Variants in ACVRL1 observed in about 807,000 individuals in gnomAD.
ACVRL1 encodes the protein activin A receptor like type 1.
A neutral mutation model predicts 51.9 loss-of-function variants in ACVRL1; 20 were observed. The observed-to-expected ratio is 0.39, with a 90% CI of 0.27 to 0.56. The LOEUF is 0.56. ACVRL1 is among the 20% of genes least tolerant of loss of function. ACVRL1 has a pLI of 0.67. For missense variants in ACVRL1, 451 were observed against 670.3 expected (o/e 0.67, Z 3.61); for synonymous variants, 288 against 280.9 (o/e 1.03, Z -0.25).
chr12:51,907,624 C>A lies in ACVRL1; in HGVS notation c.-77C>A, dbSNP rs907969481. On this transcript the variant is annotated 5_prime_UTR_variant, in exon 1 of 10. Coordinates refer to ENST00000388922, the MANE Select transcript of ACVRL1 (RefSeq NM_000020.3). This position sits in a 1 kb window ranked among gnomAD's most constrained non-coding sequence, Gnocchi z 4.5. ...CCAGCGCTGGCGGTGCAACTGCGGC[C>A]GCGCGGTGGAGGGGAGGTGGCCCCG... is the stretch of plus-strand genomic sequence containing the variant. 6.6e-6 allele frequency: 1 copy of A among 152,040 alleles called. No individual in the cohort carries two copies. Among genetic ancestry groups the A allele is most frequent in the African/African-American group, 2.4e-5 (1 of 41,426 alleles). The allele number at this position is 152,040 out of a possible 1,614,324, so 9.4% of individuals were successfully genotyped here.
chr12:51,911,790 AT>A (rs1253420035), intron 1 of ACVRL1, among the ~76,000 whole-genome samples: 2 of 152,210 alleles, frequency 1.3e-5, no homozygotes, highest in African/African-American at 4.8e-5. Flanking sequence ...GAATTCTGTC[AT>A]GTGGGTGTCC....
chr12:51,915,493 C>A lies in ACVRL1; in HGVS notation c.1041C>A (p.Ala347=). ...LVKSNLQCCI[A]DLGLAVMHSQ... is the part of the protein sequence containing the mutation. ...AGAGCAACCTGCAGTGTTGCATCGC[C>A]GACCTGGGTGAGCCGGGCGGGGCAG... The change falls in exon 7 of 10, where the codon GCC becomes GCA. Residue 347 remains alanine (A), a synonymous_variant. Coordinates refer to ENST00000388922, the MANE Select transcript of ACVRL1 (RefSeq NM_000020.3). 4 of 1,606,612 alleles carry A rather than the reference C, an allele frequency of 2.5e-6. No individual in the cohort carries two copies. Among genetic ancestry groups the A allele is most frequent in the Non-Finnish European group, 3.4e-6 (4 of 1,175,574 alleles).
chr12:51,915,100 C>G, intron 6 of ACVRL1, 125 bp from the exon 7 acceptor site: 1 of 1,113,720 alleles, frequency 9.0e-7, no homozygotes, highest in Non-Finnish European at 1.3e-6. Flanking sequence ...CAACCCCCAC[C>G]CCCAGACCTA....
intron 1 of ACVRL1, among the ~76,000 whole-genome samples, chr12:51,908,448 C>T (rs968889170): frequency 6.6e-6 from 1 of 152,208 alleles, no homozygotes; most frequent in Non-Finnish European, 1.5e-5. Context: ...CACCTGTCCC[C>T]CCATTTCATT....
Position 51,907,671 on chromosome 12 carries a change from C to T in ACVRL1, c.-30C>T, listed in dbSNP as rs1940621016. On this transcript the variant is annotated 5_prime_UTR_variant, in exon 1 of 10. Coordinates refer to ENST00000388922, the MANE Select transcript of ACVRL1 (RefSeq NM_000020.3). This position sits in a 1 kb window ranked among gnomAD's most constrained non-coding sequence, Gnocchi z 4.5. ...CCCGGTCCGCCGAAGGCTAGCGCCCCGCCACCCGCAGAGCGGGCCCAGAGG... is the reference window on the plus strand; with the variant it reads ...CCCGGTCCGCCGAAGGCTAGCGCCCTGCCACCCGCAGAGCGGGCCCAGAGG... 1 of 152,124 alleles carries T rather than the reference C, an allele frequency of 6.6e-6. No homozygotes were observed. The highest frequency in any genetic ancestry group is 1.5e-5 in the Non-Finnish European group (1 of 68,002). The allele number at this position is 152,124 out of a possible 1,614,324, so 9.4% of individuals were successfully genotyped here.
Position 51,920,978 on chromosome 12 carries a change from T to G in ACVRL1, c.*85T>G. On this transcript the variant is annotated 3_prime_UTR_variant, in exon 10 of 10. Coordinates refer to ENST00000388922, the MANE Select transcript of ACVRL1 (RefSeq NM_000020.3). ...TGGTGCCCTATCTGGGTAGAGGTAG[T>G]GTGAGTGTGGTGTGTGCTGGGGATG... The G allele has an allele frequency of 4.8e-6, 7 of 1,456,870 alleles. No homozygotes were observed. Among genetic ancestry groups the G allele is most frequent in the Non-Finnish European group, 6.5e-6 (7 of 1,073,196 alleles). 90.2% of individuals were successfully genotyped at this position (1,456,870 alleles called of 1,614,324 possible). A position where few individuals can be genotyped will look rare whatever the true frequency, so the allele number is the denominator to read the frequency against.
rs1060503234 is a variant in ACVRL1 at position 51,913,303 on chromosome 12, G to T, written c.266G>T (p.Cys89Phe). 6.2e-7 allele frequency: 1 copy of T among 1,610,986 alleles called. No homozygotes were observed. The highest frequency in any genetic ancestry group is 8.5e-7 in the Non-Finnish European group (1 of 1,179,056). Residue 89 changes from cysteine (C) to phenylalanine (F), a missense_variant, in exon 3 of 10, where the codon TGC becomes TTC. Physicochemically the swap from Cys to Phe is radical, Grantham distance 205. Coordinates refer to ENST00000388922, the MANE Select transcript of ACVRL1 (RefSeq NM_000020.3). ...GRPTEFVNHYCCDSHLCNHNV... is the reference protein window; with the variant it reads ...GRPTEFVNHYFCDSHLCNHNV... ...CCCACCGAGTTCGTCAACCACTACTGCTGCGACAGCCACCTCTGCAACCAC... is the reference window on the plus strand; with the variant it reads ...CCCACCGAGTTCGTCAACCACTACTTCTGCGACAGCCACCTCTGCAACCAC...
Position 51,915,349 on chromosome 12 carries a change from T to C in ACVRL1, c.897T>C (p.Ala299=), listed in dbSNP as rs370666061. 41 of 1,614,120 alleles carry C rather than the reference T, an allele frequency of 2.5e-5. No individual in the cohort carries two copies. In the African/African-American group the frequency reaches 3.9e-4, roughly 15 times the overall value. The change falls in exon 7 of 10, where the codon GCT becomes GCC. Residue 299 remains alanine (A), a synonymous_variant. Transcript: ENST00000388922. ...LQRQTLEPHL[A]LRLAVSAACG... Reference sequence around the variant, plus strand: ...GACAGACGCTGGAGCCCCATCTGGCTCTGAGGCTAGCTGTGTCCGCGGCAT... The same window carrying C: ...GACAGACGCTGGAGCCCCATCTGGCCCTGAGGCTAGCTGTGTCCGCGGCAT...
At chr12:51,916,279 T>C (rs758711127) in intron 8 of ACVRL1, 46 bp downstream of exon 8, 2 of 1,595,178 alleles carry the variant, frequency 1.3e-6, no homozygotes, top group Admixed American at 1.7e-5. Context: ...AATCAGCCTG[T>C]GGAGCCAGGG....
chr12:51,913,245 G>A lies in ACVRL1; in HGVS notation c.208G>A (p.Gly70Arg), dbSNP rs1439294840. The stretch of plus-strand genomic sequence containing the variant: ...GCACCCCCAGGAACATCGGGGCTGC[G>A]GGAACTTGCACAGGGAGCTCTGCAG... ...GRHPQEHRGC[G>R]NLHRELCRGR... The change falls in exon 3 of 10, where the codon GGG becomes AGG. Residue 70 changes from glycine (G) to arginine (R), a missense_variant. Physicochemically the swap from Gly to Arg is moderately radical, Grantham distance 125. Around this residue, in one of 2 missense-constraint regions of ACVRL1, gnomAD observed 192 missense variants for 216.9 expected, o/e 0.89. Coordinates refer to ENST00000388922, the MANE Select transcript of ACVRL1 (RefSeq NM_000020.3). The A allele has an allele frequency of 5.7e-6, 9 of 1,592,200 alleles. No individual in the cohort carries two copies. The highest frequency in any genetic ancestry group is 6.8e-6 in the Non-Finnish European group (8 of 1,169,322).
rs1318118188 is a variant in ACVRL1 at position 51,913,243 on chromosome 12, G to A, written c.206G>A (p.Cys69Tyr). ...EGRHPQEHRG[C>Y]GNLHRELCRG... is the part of the protein sequence containing the mutation. ...AGGCACCCCCAGGAACATCGGGGCT[G>A]CGGGAACTTGCACAGGGAGCTCTGC... Residue 69 changes from cysteine (C) to tyrosine (Y), a missense_variant, in exon 3 of 10, where the codon TGC becomes TAC. Around this residue, in one of 2 missense-constraint regions of ACVRL1, gnomAD observed 192 missense variants for 216.9 expected, o/e 0.89. Transcript: ENST00000388922. 1 of 1,591,238 alleles carries A rather than the reference G, an allele frequency of 6.3e-7. No homozygotes were observed.
chr12:51,918,970 A>G lies in ACVRL1; in HGVS notation c.1247-15A>G, dbSNP rs186868158. On this transcript the variant is annotated splice_polypyrimidine_tract_variant and intron_variant, in intron 8 of 9. Coordinates refer to ENST00000388922, the MANE Select transcript of ACVRL1 (RefSeq NM_000020.3). ...AGAGTCCCAAGTGATTGTCCTGTCC[A>G]TTCTCCATTTCCAGGCATCGTGGAG... 3.4e-4 allele frequency: 548 copies of G among 1,614,176 alleles called. 3 individuals are homozygous for G. Among genetic ancestry groups the G allele is most frequent in the Admixed American group, 3.2e-3 (194 of 60,022 alleles).
rs756100938 is a variant in ACVRL1 at position 51,913,744 on chromosome 12, T to C, written c.499T>C (p.Ser167Pro). Residue 167 changes from serine (S) to proline (P), a missense_variant, in exon 4 of 10, where the codon TCT (serine) becomes CCT (proline). Coordinates refer to ENST00000388922, the MANE Select transcript of ACVRL1 (RefSeq NM_000020.3). ...LGESSLILKA[S>P]EQGDSMLGDL... is the part of the protein sequence containing the mutation. ...AGAGTCCAGTCTCATCCTGAAAGCA[T>C]CTGAGCAGGGCGACAGCATGTTGGG... is the stretch of plus-strand genomic sequence containing the variant. 1.9e-6 allele frequency: 3 copies of C among 1,611,908 alleles called. No homozygotes were observed. Among genetic ancestry groups the C allele is most frequent in the Admixed American group, 1.7e-5 (1 of 59,990 alleles).
rs1941000288 is a variant in ACVRL1, at chr12:51,922,309, G to C, written c.*1416G>C. 6.6e-6 allele frequency: 1 copy of C among 152,222 alleles called. No individual in the cohort carries two copies. Among genetic ancestry groups the C allele is most frequent in the Non-Finnish European group, 1.5e-5 (1 of 68,072 alleles). 9.4% of individuals were successfully genotyped at this position (152,222 alleles called of 1,614,324 possible). ...CAGTGGCCACCCTTGGGCTCAGACA[G>C]CTCTGGGCCTTTTGACCACAAGCCA... On this transcript the variant is annotated 3_prime_UTR_variant, in exon 10 of 10. Transcript: ENST00000388922.
rs574165873 is a variant in ACVRL1, at chr12:51,915,298, C to T, written c.846C>T (p.His282=). The change falls in exon 7 of 10, where the codon CAC becomes CAT. Residue 282 remains histidine (H), a synonymous_variant. Transcript: ENST00000388922. ...QLWLITHYHE[H]GSLYDFLQRQ... The stretch of plus-strand genomic sequence containing the variant: ...GGCTCATCACGCACTACCACGAGCA[C>T]GGCTCCCTCTACGACTTTCTGCAGA... 17 of 1,614,202 alleles carry T rather than the reference C, an allele frequency of 1.1e-5. No homozygotes were observed. Among genetic ancestry groups the T allele is most frequent in the African/African-American group, 8.0e-5 (6 of 75,076 alleles).
intron 1 of ACVRL1, 152 bp from the exon 2 acceptor site, chr12:51,912,318 G>T (rs1032539480): frequency 2.5e-6 from 2 of 806,978 alleles, no homozygotes; most frequent in Non-Finnish European, 4.2e-6. Context: ...TGCAGGCCCC[G>T]CCCCAAAGCC....
Position 51,917,259 on chromosome 12 carries a change from C to G in ACVRL1, c.1246+1026C>G, listed in dbSNP as rs919443812. ...TGTGTGCACTTAAACCTCTCTGGCC[C>G]TTGATTTCCTCATGCACGCAATGCA... is the stretch of plus-strand genomic sequence containing the variant. On this transcript the variant is annotated intron_variant, in intron 8 of 9. Transcript: ENST00000388922. The surrounding 1 kb of genome is among the most constrained non-coding windows in gnomAD (Gnocchi z 4.2). Among the ~76,000 whole-genome samples the G allele has an allele frequency of 6.6e-6, 1 of 152,226 alleles. No individual in the cohort carries two copies. The highest frequency in any genetic ancestry group is 2.4e-5 in the African/African-American group (1 of 41,454).
intron 1 of ACVRL1, among the ~76,000 whole-genome samples, chr12:51,911,680 C>T (rs1373763871): frequency 2.0e-5 from 3 of 152,166 alleles, no homozygotes; most frequent in Non-Finnish European, 2.9e-5. Flanking sequence ...GCCAGTGAGT[C>T]CTGTCTGACC....
In ACVRL1 at chr12:51,916,070, C is replaced by A. The variant is rs763899082; in HGVS notation, c.1083C>A (p.Tyr361Ter). The A allele has an allele frequency of 6.2e-7, 1 of 1,613,156 alleles. No homozygotes were observed. The highest frequency in any genetic ancestry group is 8.5e-7 in the Non-Finnish European group (1 of 1,179,318). ...LAVMHSQGSD[Y>*]LDIGNNPRVG... ...TGATGCACTCACAGGGCAGCGATTA[C>A]CTGGACATCGGCAACAACCCGAGAG... Residue 361 changes from tyrosine (Y) to a stop codon, truncating the protein, a stop_gained, in exon 8 of 10, where the codon TAC (tyrosine) becomes TAA (stop). Coordinates refer to ENST00000388922, the MANE Select transcript of ACVRL1 (RefSeq NM_000020.3). LOFTEE classifies it high-confidence loss of function.
Sources: allele counts gnomAD v4.1 joint callset (sites outside exome capture counted in the v4.1 genomes callset), GRCh38; gene constraint gnomAD v4.1.1; regional missense constraint gnomAD v4.1.1; non-coding constraint Gnocchi (gnomAD v3.1); transcripts MANE v1.5; gene names NCBI Gene and HGNC (gene_info 2026-07-23, HGNC 2026-07-21).